Variants in IL7 observed in about 807,000 individuals in gnomAD.
IL7 encodes the protein interleukin 7.
A neutral mutation model predicts 21.6 loss-of-function variants in IL7; 3 were observed. That is an observed-to-expected ratio of 0.14 (90% CI 0.06 to 0.36). The LOEUF (loss-of-function observed/expected upper bound fraction) is 0.36. Among genes scored for constraint, IL7 ranks in the 10% least tolerant of loss-of-function variants. The pLI is 1.00. For missense variants in IL7, 175 were observed against 200.2 expected (o/e 0.87, Z 0.76); for synonymous variants, 62 against 68.1 (o/e 0.91, Z 0.44).
chr8:78,790,395 TAAC>T (rs1314906916), intron 2 of IL7, among the ~76,000 whole-genome samples: 1 of 152,196 alleles, frequency 6.6e-6, no homozygotes, highest in African/African-American at 2.4e-5. Context: ...ATTTAATTCA[TAAC>T]AAATTTCCAA....
At chr8:78,704,158 G>A (rs1810695173) in intron 3 of IL7, among the ~76,000 whole-genome samples, 1 of 152,126 alleles carries the variant, frequency 6.6e-6, no homozygotes. Flanking sequence ...GAGGCGAGCG[G>A]ATCACCTGAG....
At chr8:78,797,436 TA>T (rs1813893934) in intron 2 of IL7, among the ~76,000 whole-genome samples, 1 of 151,970 alleles carries the variant, frequency 6.6e-6, no homozygotes, top group African/African-American at 2.4e-5. Context: ...TCAATTGTAA[TA>T]AATGTGCCAT....
chr8:78,719,917 T>A (rs1012112247), intron 5 of IL7, among the ~76,000 whole-genome samples: 2 of 151,834 alleles, frequency 1.3e-5, no homozygotes, highest in African/African-American at 4.8e-5. Context: ...ATCAGCTTTT[T>A]AAAATGTATT....
rs139575812 is a variant in IL7, at chr8:78,723,887, A to G, written n.268-2447T>C. 2,055 of 219,654 alleles carry G rather than the reference A, an allele frequency of 9.4e-3. 9 individuals are homozygous for G. The highest frequency in any genetic ancestry group is 0.014 in the Non-Finnish European group (1,356 of 94,894). 13.6% of individuals were successfully genotyped at this position (219,654 alleles called of 1,614,324 possible). A position where few individuals can be genotyped will look rare whatever the true frequency, so the allele number is the denominator to read the frequency against. ...TGCATTTTCTGTACATTGGAAGACA[A>G]GCTATTCCACTTGAGCTGGTACTGC... is the stretch of plus-strand genomic sequence containing the variant. On this transcript the variant is annotated intron_variant and non_coding_transcript_variant, in intron 3 of 6. Transcript: ENST00000519833.
chr8:78,748,957 G>C (rs1489255992), intron 2 of IL7, among the ~76,000 whole-genome samples: 1 of 152,076 alleles, frequency 6.6e-6, no homozygotes, highest in Non-Finnish European at 1.5e-5. Flanking sequence ...ATAAACAAGT[G>C]GTAAATCTAT....
At chr8:78,715,324 G>T (rs1479176834), downstream of IL7, 1 of 1,610,540 alleles carries the variant, frequency 6.2e-7, no homozygotes, top group East Asian at 2.2e-5. Flanking sequence ...GAGCTACATA[G>T]CCAGGTATGT....
rs1372612162 is a variant in IL7 at position 78,805,071 on chromosome 8, C to T, written c.-149G>A. 2.1e-5 allele frequency: 16 copies of T among 767,544 alleles called. No individual in the cohort carries two copies. Among genetic ancestry groups the T allele is most frequent in the Non-Finnish European group, 2.9e-5 (14 of 484,014 alleles). The allele number at this position is 767,544 out of a possible 1,614,324, so 47.5% of individuals were successfully genotyped here. ...TGATCTCTGCAGCTGGTTCCTCTTACCCACGCCGCGACTGCAGTTTCATCC... is the reference window on the plus strand; with the variant it reads ...TGATCTCTGCAGCTGGTTCCTCTTATCCACGCCGCGACTGCAGTTTCATCC... On this transcript the variant is annotated 5_prime_UTR_variant, in exon 1 of 6. Coordinates refer to ENST00000263851, the MANE Select transcript of IL7 (RefSeq NM_000880.4).
At chr8:78,796,181 A>C (rs1813847680) in intron 2 of IL7, among the ~76,000 whole-genome samples, 1 of 152,062 alleles carries the variant, frequency 6.6e-6, no homozygotes, top group African/African-American at 2.4e-5. Context: ...AATTCCTAAT[A>C]ATCAACAACA....
chr8:78,720,794 C>A (rs1012825336), intron 5 of IL7, among the ~76,000 whole-genome samples: 1 of 151,862 alleles, frequency 6.6e-6, no homozygotes, highest in Non-Finnish European at 1.5e-5. Context: ...ATGGACAATA[C>A]ATGGATTAGT....
intron 2 of IL7, among the ~76,000 whole-genome samples, chr8:78,764,276 A>C (rs1355607656): frequency 1.3e-5 from 2 of 151,570 alleles, no homozygotes; most frequent in African/African-American, 4.8e-5. Context: ...CCTGATAATA[A>C]AAAAAAAGCT....
intron 3 of IL7, among the ~76,000 whole-genome samples, chr8:78,703,063 A>G (rs1810658947): frequency 6.6e-6 from 1 of 151,836 alleles, no homozygotes; most frequent in Admixed American, 6.6e-5. Context: ...CACCTGGCTA[A>G]TTTTTGTATT....
At chr8:78,717,329 C>A (rs1213632198), downstream of IL7, 1 of 1,600,830 alleles carries the variant, frequency 6.2e-7, no homozygotes, top group East Asian at 2.2e-5. Flanking sequence ...CTTTTTTAGG[C>A]CAGATGGGGA....
intron 2 of IL7, among the ~76,000 whole-genome samples, chr8:78,775,716 A>G (rs1813110799): frequency 6.6e-6 from 1 of 151,992 alleles, no homozygotes; most frequent in Admixed American, 6.6e-5. Context: ...TCATAAGCAA[A>G]ATGAGTACAT....
intron 2 of IL7, chr8:78,760,988 A>G (rs1339212192): frequency 1.3e-6 from 2 of 1,594,050 alleles, no homozygotes; most frequent in East Asian, 2.2e-5. Context: ...AATAGTAACA[A>G]TGAAATCAAA....
rs1812516340 is a variant in IL7 at position 78,760,525 on chromosome 8, A to G, written c.148-20443T>C. The G allele has an allele frequency of 5.9e-6, 9 of 1,537,998 alleles. No individual in the cohort carries two copies. The East Asian group carries it at 2.0e-4, about 35-fold the overall frequency. On this transcript the variant is annotated intron_variant, in intron 2 of 5. Coordinates refer to ENST00000263851, the MANE Select transcript of IL7 (RefSeq NM_000880.4). ...GAAGCTCAGCTGACAGCGTGTCAGG[A>G]TTGGGTAAGTCACTTCTATACATGT...
chr8:78,676,502 G>T (rs1330346837), intron 4 of IL7, among the ~76,000 whole-genome samples: 1 of 151,938 alleles, frequency 6.6e-6, no homozygotes, highest in Non-Finnish European at 1.5e-5. Flanking sequence ...TTATGCCTAT[G>T]TACCTTACGT....
intron 5 of IL7, 48 bp from the exon 6 acceptor site, chr8:78,733,880 T>C (rs1464900301): frequency 8.0e-7 from 1 of 1,242,550 alleles, no homozygotes; most frequent in East Asian, 2.9e-5. Flanking sequence ...TTTACAAAAA[T>C]ATATATTTTA....
downstream of IL7, chr8:78,717,557 T>C (rs1286366214): frequency 2.0e-5 from 30 of 1,480,114 alleles, no homozygotes; most frequent in Non-Finnish European, 2.6e-5. Flanking sequence ...CTTGGACAGC[T>C]AGAGCACATC....
At chr8:78,738,452 TG>T in intron 4 of IL7, 51 bp downstream of exon 4, 1 of 1,482,166 alleles carries the variant, frequency 6.7e-7, no homozygotes, top group Non-Finnish European at 9.3e-7. Flanking sequence ...AGTGGTATCT[TG>T]GCACAGGAGT....
Sources: allele counts gnomAD v4.1 joint callset (sites outside exome capture counted in the v4.1 genomes callset), GRCh38; gene constraint gnomAD v4.1.1; transcripts MANE v1.5; gene names NCBI Gene and HGNC (gene_info 2026-07-23, HGNC 2026-07-21).